The following MGLL variants were observed in gnomAD, a reference collection of about 807,000 sequenced individuals.
MGLL encodes the protein monoglyceride lipase.
In MGLL, 7 loss-of-function variants were observed where a neutral mutation model predicts 29.1. That is an observed-to-expected ratio of 0.24 (90% CI 0.14 to 0.45). The LOEUF (loss-of-function observed/expected upper bound fraction) is 0.45, where lower values mean the gene tolerates loss of function less well. Among genes scored for constraint, MGLL ranks in the 20% least tolerant of loss-of-function variants. The pLI, the probability that MGLL is intolerant of heterozygous loss-of-function variation, is 0.99. For missense variants in MGLL, 356 were observed against 413.6 expected (o/e 0.86, Z 1.21); for synonymous variants, 148 against 168.3 (o/e 0.88, Z 0.93).
intron 3 of MGLL, among the ~76,000 whole-genome samples, chr3:127,772,921 C>A (rs2076973361): frequency 6.6e-6 from 1 of 152,174 alleles, no homozygotes; most frequent in South Asian, 2.1e-4. Context: ...GTTCTCTCAC[C>A]AGACACGGAA....
chr3:127,750,329 C>T (rs2076534083), intron 3 of MGLL, among the ~76,000 whole-genome samples: 1 of 152,284 alleles, frequency 6.6e-6, no homozygotes, highest in African/African-American at 2.4e-5. Flanking sequence ...TCCAGTTTTG[C>T]TCCCGGCTCA....
intron 2 of MGLL, among the ~76,000 whole-genome samples, chr3:127,816,324 G>C (rs1003417455): frequency 6.6e-6 from 1 of 152,162 alleles, no homozygotes; most frequent in African/African-American, 2.4e-5. Flanking sequence ...AGCAGGGGGT[G>C]GGGGAAAGAA....
At chr3:127,811,998 A>T (rs554064108) in intron 2 of MGLL, among the ~76,000 whole-genome samples, 5 of 152,362 alleles carry the variant, frequency 3.3e-5, no homozygotes, top group African/African-American at 1.2e-4. Context: ...CATACCCCAG[A>T]CTATCCTGCC....
At chr3:127,817,382 A>G (rs1047163040) in intron 2 of MGLL, among the ~76,000 whole-genome samples, 11 of 152,198 alleles carry the variant, frequency 7.2e-5, no homozygotes, top group South Asian at 2.1e-4. Flanking sequence ...TCATCATAAC[A>G]GAAGCTACAG....
At chr3:127,694,211 T>A (rs1576464383) in intron 7 of MGLL, among the ~76,000 whole-genome samples, 2 of 145,198 alleles carry the variant, frequency 1.4e-5, no homozygotes, top group African/African-American at 2.6e-5. Flanking sequence ...CAGAGGTTGC[T>A]GTGAGCCGAG....
chr3:127,778,133 C>T (rs1446877394), intron 3 of MGLL, among the ~76,000 whole-genome samples: 1 of 152,216 alleles, frequency 6.6e-6, no homozygotes, highest in Non-Finnish European at 1.5e-5. Context: ...CAATGAGACC[C>T]ATGGTAGTAA....
At chr3:127,792,904 T>G (rs905530243) in intron 2 of MGLL, among the ~76,000 whole-genome samples, 1 of 152,206 alleles carries the variant, frequency 6.6e-6, no homozygotes, top group African/African-American at 2.4e-5. Flanking sequence ...ATGGCAGGTT[T>G]TCTGGCCCGT....
intron 3 of MGLL, among the ~76,000 whole-genome samples, chr3:127,744,633 G>A (rs1303591417): frequency 6.6e-6 from 1 of 152,202 alleles, no homozygotes; most frequent in Non-Finnish European, 1.5e-5. Context: ...GAAACTTCCA[G>A]GATGCATGAG....
At chr3:127,694,385 GTGTATATATATGTA>G (rs1308482311) in intron 7 of MGLL, among the ~76,000 whole-genome samples, 4 of 145,626 alleles carry the variant, frequency 2.7e-5, no homozygotes, top group Non-Finnish European at 6.0e-5. Context: ...ATATATATGT[GTGTATATATATGTA>G]TGTGTGTATA....
At chr3:127,808,071 T>C (rs761591728) in intron 2 of MGLL, among the ~76,000 whole-genome samples, 10 of 152,120 alleles carry the variant, frequency 6.6e-5, no homozygotes, top group Admixed American at 1.3e-4. Context: ...AAAACTCTTT[T>C]TTTCTCTGCT....
At chr3:127,731,930 G>A (rs1252833849) in intron 3 of MGLL, among the ~76,000 whole-genome samples, 7 of 152,184 alleles carry the variant, frequency 4.6e-5, no homozygotes, top group Admixed American at 2.6e-4. Context: ...CATTCGATGC[G>A]AAGTATAATA....
intron 3 of MGLL, among the ~76,000 whole-genome samples, chr3:127,731,348 A>G (rs1444472693): frequency 1.7e-5 from 1 of 60,570 alleles, no homozygotes; most frequent in Non-Finnish European, 3.6e-5. Context: ...TATTATTATT[A>G]TTATTATTAT....
In MGLL at chr3:127,735,733, C is replaced by T. The variant is rs752195063; in HGVS notation, c.263-13167G>A. 1.1e-5 allele frequency: 18 copies of T among 1,598,066 alleles called. No homozygotes were observed. In the South Asian group the frequency reaches 1.9e-4, roughly 17 times the overall value. On this transcript the variant is annotated intron_variant, in intron 3 of 7. Transcript: ENST00000265052. Reference sequence around the variant, plus strand: ...GCAAAAGGTGGGTTTCCAGCACGTGCTCGCTCCCCGCCTTCTCCCATTCCC... The same window carrying T: ...GCAAAAGGTGGGTTTCCAGCACGTGTTCGCTCCCCGCCTTCTCCCATTCCC...
intron 1 of MGLL, 192 bp from the exon 2 acceptor site, chr3:127,822,030 T>C: frequency 2.9e-6 from 2 of 694,536 alleles, no homozygotes; most frequent in Non-Finnish European, 4.7e-6. Flanking sequence ...CATTTGTTCT[T>C]AAGAAAATGC....
At chr3:127,730,512 A>G (rs61540250) in intron 3 of MGLL, among the ~76,000 whole-genome samples, 13,220 of 152,114 alleles carry the variant, frequency 0.087, 666 homozygotes, top group African/African-American at 0.13. Context: ...CAGTCCTTTA[A>G]GGCCCTTTAA....
intron 2 of MGLL, among the ~76,000 whole-genome samples, chr3:127,791,841 T>TA (rs2077305443): frequency 6.6e-6 from 1 of 151,956 alleles, no homozygotes; most frequent in South Asian, 2.1e-4. Context: ...GAGGCCGAGG[T>TA]AGGGGGATCA....
chr3:127,768,168 C>A (rs2076889891), intron 3 of MGLL, among the ~76,000 whole-genome samples: 1 of 152,172 alleles, frequency 6.6e-6, no homozygotes, highest in Non-Finnish European at 1.5e-5. Context: ...AATTAAAATC[C>A]TTCCCGTAAA....
At chr3:127,732,665 C>T (rs559754719) in intron 3 of MGLL, among the ~76,000 whole-genome samples, 1 of 152,346 alleles carries the variant, frequency 6.6e-6, no homozygotes, top group East Asian at 1.9e-4. Context: ...GTGGTTCACA[C>T]TCACCAGCAC....
At chr3:127,741,988 A>G (rs1176586870) in intron 3 of MGLL, among the ~76,000 whole-genome samples, 1 of 152,214 alleles carries the variant, frequency 6.6e-6, no homozygotes, top group Non-Finnish European at 1.5e-5. Context: ...AGTGACTTCA[A>G]TTTTTTGCTT....
Sources: gnomAD v4.1 joint callset for allele counts (sites outside exome capture counted in the v4.1 genomes callset) on GRCh38, gnomAD v4.1.1 for gene constraint, MANE v1.5 for transcripts, NCBI Gene and HGNC (gene_info 2026-07-23, HGNC 2026-07-21) for gene names.